Variants in SRGAP1 observed in about 807,000 individuals in gnomAD.
SRGAP1 encodes the protein SLIT-ROBO Rho GTPase activating protein 1.
Under a neutral mutation model 121.9 loss-of-function variants are expected in SRGAP1, and 43 were observed. The ratio of observed to expected loss-of-function variants is 0.35; its 90% CI spans 0.28 to 0.46. The LOEUF is 0.46. Among genes scored for constraint, SRGAP1 ranks in the 20% least tolerant of loss-of-function variants. The probability of loss-of-function intolerance (pLI) is 1.00; values close to 1 mark genes in which losing one functional copy is unlikely to be tolerated. For synonymous variants in SRGAP1, 447 were observed against 485.4 expected (o/e 0.92, Z 1.04); for missense variants, 1,102 against 1,350.9 (o/e 0.82, Z 2.89).
chr12:64,145,317 C>G lies in SRGAP1; in HGVS notation c.*2645C>G, dbSNP rs1051722589. 1 of 152,242 alleles carries G rather than the reference C, an allele frequency of 6.6e-6. No individual in the cohort carries two copies. The allele number at this position is 152,242 out of a possible 1,614,324, so 9.4% of individuals were successfully genotyped here. On this transcript the variant is annotated 3_prime_UTR_variant, in exon 22 of 22. Coordinates refer to ENST00000355086, the MANE Select transcript of SRGAP1 (RefSeq NM_020762.4). ...TCCTCCTACCTGTTCATTTATTCAG[C>G]CTTCTATCTGGTCATCCTCCCCAGC...
intron 6 of SRGAP1, among the ~76,000 whole-genome samples, chr12:64,062,703 G>T (rs895862496): frequency 1.3e-5 from 2 of 152,080 alleles, no homozygotes. Flanking sequence ...TTTTAGTAGA[G>T]ACGGGGGGTC....
intron 21 of SRGAP1, among the ~76,000 whole-genome samples, chr12:64,133,476 C>T (rs1472696021): frequency 1.1e-4 from 17 of 152,296 alleles, no homozygotes; most frequent in South Asian, 4.1e-4. Context: ...AGCACCACAA[C>T]GACATTTTGG....
At chr12:64,005,304 A>G (rs2034046977) in intron 3 of SRGAP1, among the ~76,000 whole-genome samples, 2 of 152,218 alleles carry the variant, frequency 1.3e-5, no homozygotes, top group South Asian at 4.1e-4. Flanking sequence ...GAACACATAG[A>G]ACCATAATTG....
chr12:63,979,165 G>A (rs1271871309), intron 1 of SRGAP1, among the ~76,000 whole-genome samples: 9 of 143,978 alleles, frequency 6.3e-5, no homozygotes, highest in Non-Finnish European at 1.0e-4. Flanking sequence ...TCAGCCTCCC[G>A]AGTAGCTGGG....
chr12:64,080,486 G>T, intron 10 of SRGAP1, 116 bp downstream of exon 10: 1 of 923,188 alleles, frequency 1.1e-6, no homozygotes. Flanking sequence ...GACACTCTGT[G>T]TTTAGATTTG....
chr12:64,073,755 G>A (rs2035684610), intron 8 of SRGAP1, among the ~76,000 whole-genome samples: 6 of 147,224 alleles, frequency 4.1e-5, no homozygotes. Context: ...GTGAATGGTT[G>A]AATACATGGA....
intron 4 of SRGAP1, among the ~76,000 whole-genome samples, chr12:64,022,077 G>A (rs1343688363): frequency 6.6e-6 from 1 of 152,192 alleles, no homozygotes; most frequent in African/African-American, 2.4e-5. Flanking sequence ...TGTTAGTTGT[G>A]TGGCACTGGG....
At chr12:63,986,492 C>T (rs1384618504) in intron 2 of SRGAP1, among the ~76,000 whole-genome samples, 1 of 151,348 alleles carries the variant, frequency 6.6e-6, no homozygotes, top group African/African-American at 2.4e-5. Context: ...GGTGCAATCT[C>T]GGCTCACTGC....
intron 3 of SRGAP1, among the ~76,000 whole-genome samples, chr12:63,996,483 G>A (rs1565628737): frequency 2.0e-5 from 3 of 151,788 alleles, no homozygotes; most frequent in Non-Finnish European, 4.4e-5. Flanking sequence ...GTCAGAGGGT[G>A]GCCTTTGAAT....
chr12:64,063,126 C>G lies in SRGAP1; in HGVS notation c.1011C>G (p.His337Gln), dbSNP rs750481462. The change falls in exon 7 of 22, where the codon CAC (histidine) becomes CAG (glutamine). Residue 337 changes from histidine (H) to glutamine (Q), a missense_variant. By Grantham distance (24) the His-to-Gln change is conservative. Around this residue, in one of 3 missense-constraint regions of SRGAP1, gnomAD observed 747 missense variants for 929.4 expected, o/e 0.80. Transcript: ENST00000355086. ...CAATGAAGTTTGAGTTTCAGTCTCA[C>G]ATGGGTGATGAGGTCAGTAATTGAT... ...CPPMKFEFQS[H>Q]MGDEVCQVSA... 1 of 1,613,202 alleles carries G rather than the reference C, an allele frequency of 6.2e-7. No homozygotes were observed. The highest frequency in any genetic ancestry group is 8.5e-7 in the Non-Finnish European group (1 of 1,179,172).
intron 4 of SRGAP1, among the ~76,000 whole-genome samples, chr12:64,028,514 A>G (rs953311695): frequency 2.0e-5 from 3 of 152,236 alleles, no homozygotes; most frequent in Admixed American, 1.3e-4. Context: ...TCTGGCTGCT[A>G]TAACAAAATA....
intron 1 of SRGAP1, among the ~76,000 whole-genome samples, chr12:63,846,233 G>A (rs1385791429): frequency 6.6e-6 from 1 of 152,174 alleles, no homozygotes; most frequent in African/African-American, 2.4e-5. Flanking sequence ...TGGAAGTTGT[G>A]TTAGCAGATA....
rs2033712223 is a variant in SRGAP1, at chr12:63,996,426, C to A, written c.426+6354C>A. ...GTTTTCTGTTGTTAGACATTTAAAT[C>A]TATGATTTTTTTTCTTATGCTACAT... On this transcript the variant is annotated intron_variant, in intron 3 of 21. Coordinates refer to ENST00000355086, the MANE Select transcript of SRGAP1 (RefSeq NM_020762.4). 6.6e-5 allele frequency among the ~76,000 whole-genome samples: 10 copies of A among 151,980 alleles called. No individual in the cohort carries two copies. The South Asian group carries it at 2.1e-3, about 31-fold the overall frequency.
At chr12:63,983,745 G>A (rs1334936971) in intron 1 of SRGAP1, 1 of 147,534 alleles carries the variant, frequency 6.8e-6, no homozygotes, top group Non-Finnish European at 1.5e-5. Flanking sequence ...ACTCCAGCCT[G>A]GGCAACAGAG....
At chr12:63,900,594 G>C (rs544818518) in intron 1 of SRGAP1, among the ~76,000 whole-genome samples, 11 of 152,064 alleles carry the variant, frequency 7.2e-5, no homozygotes, top group Admixed American at 3.3e-4. Context: ...GGGAGGATCA[G>C]ATGAGGCCAG....
At chr12:63,982,697 G>A (rs912851428) in intron 1 of SRGAP1, 23 of 152,150 alleles carry the variant, frequency 1.5e-4, no homozygotes, top group East Asian at 1.9e-4. Flanking sequence ...GGAAATGCAC[G>A]GACACTGGGA....
chr12:64,086,685 A>G (rs971389702), intron 10 of SRGAP1, among the ~76,000 whole-genome samples: 1 of 150,436 alleles, frequency 6.6e-6, no homozygotes, highest in African/African-American at 2.4e-5. Flanking sequence ...TTTTGGGCTT[A>G]CAGTTATGAT....
Position 64,111,745 on chromosome 12 carries a change from C to A in SRGAP1, c.1920-17C>A, listed in dbSNP as rs2036433063. On this transcript the variant is annotated splice_polypyrimidine_tract_variant and intron_variant, in intron 16 of 21. Transcript: ENST00000355086. ...CTCTTTGTTCTTTTATAACTCCTTTCTTGTTTCCTTTTGTAGTCTATCACA... is the reference window on the plus strand; with the variant it reads ...CTCTTTGTTCTTTTATAACTCCTTTATTGTTTCCTTTTGTAGTCTATCACA... The A allele has an allele frequency of 1.9e-6, 3 of 1,556,648 alleles. No individual in the cohort carries two copies. The highest frequency in any genetic ancestry group is 4.6e-5 in the East Asian group (2 of 43,608).
At chr12:64,086,739 AAAAC>A (rs1183637903) in intron 10 of SRGAP1, among the ~76,000 whole-genome samples, 40 of 151,244 alleles carry the variant, frequency 2.6e-4, no homozygotes, top group African/African-American at 9.8e-4. Context: ...AAAAAAAAAA[AAAAC>A]ACAGCCTCAA....
Sources: gnomAD v4.1 joint callset for allele counts (sites outside exome capture counted in the v4.1 genomes callset) on GRCh38, gnomAD v4.1.1 for gene constraint, gnomAD v4.1.1 regional missense constraint, MANE v1.5 for transcripts, NCBI Gene and HGNC (gene_info 2026-07-23, HGNC 2026-07-21) for gene names.